The following TYW1B variants were observed in gnomAD, a reference collection of about 807,000 sequenced individuals.
TYW1B encodes the protein S-adenosyl-L-methionine-dependent tRNA 4-demethylwyosine synthase TYW1B.
TYW1B carries 73 observed loss-of-function variants against 86.9 expected under a neutral mutation model. That is an observed-to-expected ratio of 0.84 (90% CI 0.70 to 1.02). The LOEUF (loss-of-function observed/expected upper bound fraction) is 1.02. TYW1B is among the 50% of genes least tolerant of loss of function. The pLI is 0.00. For synonymous variants in TYW1B, 248 were observed against 292.8 expected (o/e 0.85, Z 1.56); for missense variants, 637 against 827.4 (o/e 0.77, Z 2.82).
chr7:72,682,109 C>T (rs1813889163), intron 11 of TYW1B, among the ~76,000 whole-genome samples: 1 of 150,324 alleles, frequency 6.7e-6, no homozygotes, highest in African/African-American at 2.5e-5. Context: ...AACTCCTGAC[C>T]TCAGGTGATC....
At chr7:72,803,445 T>C (rs1311213723) in intron 5 of TYW1B, among the ~76,000 whole-genome samples, 2 of 152,150 alleles carry the variant, frequency 1.3e-5, no homozygotes, top group African/African-American at 4.8e-5. Flanking sequence ...ACAATGTTCA[T>C]ATACCCATTC....
intron 6 of TYW1B, among the ~76,000 whole-genome samples, chr7:72,778,486 G>A (rs1554471045): frequency 4.6e-5 from 7 of 152,078 alleles, no homozygotes. Context: ...GTCTCGCTTT[G>A]TCGCCCAGGC....
At chr7:72,654,837 T>C (rs1290724716) in intron 11 of TYW1B, among the ~76,000 whole-genome samples, 1 of 152,118 alleles carries the variant, frequency 6.6e-6, no homozygotes, top group Non-Finnish European at 1.5e-5. Flanking sequence ...GCCGAGATTG[T>C]GCCATTGCAC....
At chr7:72,816,697 G>A (rs1168960641) in intron 2 of TYW1B, among the ~76,000 whole-genome samples, 1 of 152,202 alleles carries the variant, frequency 6.6e-6, no homozygotes, top group East Asian at 1.9e-4. Context: ...AAGAGGGGCT[G>A]GAGATTGAGC....
intron 13 of TYW1B, among the ~76,000 whole-genome samples, chr7:72,601,699 G>A: frequency 7.4e-6 from 1 of 135,882 alleles, no homozygotes; most frequent in Non-Finnish European, 1.6e-5. Flanking sequence ...AAAAAAATGA[G>A]CTATCAAGCC....
intron 11 of TYW1B, among the ~76,000 whole-genome samples, chr7:72,676,718 G>C (rs191219627): frequency 6.6e-6 from 1 of 152,316 alleles, no homozygotes; most frequent in African/African-American, 2.4e-5. Context: ...TCAGCACTTT[G>C]GGAGGCCGAG....
chr7:72,604,453 C>G (rs1173666610), intron 13 of TYW1B, among the ~76,000 whole-genome samples: 2 of 152,010 alleles, frequency 1.3e-5, no homozygotes, highest in African/African-American at 4.8e-5. Context: ...CAGAGTGAGA[C>G]TCTGTCTCAA....
At chr7:72,693,428 T>TTC (rs1554450785) in intron 11 of TYW1B, among the ~76,000 whole-genome samples, 7 of 150,530 alleles carry the variant, frequency 4.7e-5, no homozygotes, top group South Asian at 2.1e-4. Context: ...TTTTTTTTTT[T>TTC]AGATAGGGGT....
At chr7:72,813,171 CTTTTTTTTTT>C (rs782128548) in intron 3 of TYW1B, among the ~76,000 whole-genome samples, 2 of 123,770 alleles carry the variant, frequency 1.6e-5, no homozygotes, top group Non-Finnish European at 1.7e-5. Context: ...CATACTTCTT[CTTTTTTTTTT>C]TTTTTTTTTT....
intron 7 of TYW1B, among the ~76,000 whole-genome samples, chr7:72,759,443 G>A (rs1252789221): frequency 7.9e-6 from 1 of 126,340 alleles, no homozygotes; most frequent in Admixed American, 8.4e-5. Flanking sequence ...AATAAGAAAT[G>A]GAATAAGATT....
At chr7:72,770,769 T>G (rs1449559689) in intron 7 of TYW1B, among the ~76,000 whole-genome samples, 2 of 152,066 alleles carry the variant, frequency 1.3e-5, no homozygotes, top group African/African-American at 4.8e-5. Flanking sequence ...GCAGACCAAA[T>G]GTCTATTTAC....
intron 11 of TYW1B, among the ~76,000 whole-genome samples, chr7:72,647,553 A>G (rs1490533129): frequency 6.6e-6 from 1 of 152,220 alleles, no homozygotes; most frequent in Non-Finnish European, 1.5e-5. Context: ...ACGAAACCCA[A>G]CATATCTGAG....
In TYW1B at chr7:72,740,467, CT is replaced by C. The variant is rs370164283; in HGVS notation, c.1082+4016del. On this transcript the variant is annotated intron_variant, in intron 8 of 13. Coordinates refer to ENST00000620995, the MANE Select transcript of TYW1B (RefSeq NM_001145440.3). ...GTCAATCTGCAAAGACTGGGAGAAG[CT>C]TTTTTTTTTTTTTTTTTCTCCAATT... Among the ~76,000 whole-genome samples, 709 of 116,614 alleles carry C rather than the reference CT, an allele frequency of 6.1e-3. 2 individuals are homozygous for C. Among genetic ancestry groups the C allele is most frequent in the African/African-American group, 0.014 (442 of 31,966 alleles). 76.5% of individuals were successfully genotyped at this position (116,614 alleles called of 152,430 possible).
chr7:72,741,853 G>GA (rs1289520316), intron 8 of TYW1B, among the ~76,000 whole-genome samples: 1 of 152,090 alleles, frequency 6.6e-6, no homozygotes, highest in Non-Finnish European at 1.5e-5. Context: ...AATGTTACAA[G>GA]AAAAAAACTG....
intron 11 of TYW1B, among the ~76,000 whole-genome samples, chr7:72,645,018 G>T (rs1219821569): frequency 6.6e-6 from 1 of 152,038 alleles, no homozygotes; most frequent in Non-Finnish European, 1.5e-5. Flanking sequence ...TAGTAGAGAT[G>T]CGGTTTCACC....
At chr7:72,686,059 G>C (rs1814000017) in intron 11 of TYW1B, among the ~76,000 whole-genome samples, 2 of 152,146 alleles carry the variant, frequency 1.3e-5, no homozygotes, top group South Asian at 4.1e-4. Context: ...CTGTCATCAG[G>C]GGAATGCAAA....
chr7:72,820,472 T>C (rs1488093623), intron 2 of TYW1B, among the ~76,000 whole-genome samples: 1 of 152,146 alleles, frequency 6.6e-6, no homozygotes, highest in Non-Finnish European at 1.5e-5. Context: ...ATAAAAAGGT[T>C]TATTTGGTTC....
intron 7 of TYW1B, chr7:72,768,971 C>A: frequency 3.0e-6 from 1 of 333,086 alleles, no homozygotes; most frequent in South Asian, 3.6e-5. Context: ...ACTTTACTAT[C>A]TTTCTTCTCT....
intron 10 of TYW1B, among the ~76,000 whole-genome samples, chr7:72,712,064 A>T (rs1294898586): frequency 6.6e-6 from 1 of 152,012 alleles, no homozygotes; most frequent in Admixed American, 6.6e-5. Context: ...AGTATGACAC[A>T]AAAACAGATC....
Sources: allele counts gnomAD v4.1 joint callset (sites outside exome capture counted in the v4.1 genomes callset), GRCh38; gene constraint gnomAD v4.1.1; transcripts MANE v1.5; gene names NCBI Gene and HGNC (gene_info 2026-07-23, HGNC 2026-07-21).